TERT: variants seen among roughly 807,000 people sequenced by gnomAD.
TERT encodes the protein telomerase catalytic subunit.
In TERT, 42 loss-of-function variants were observed where a neutral mutation model predicts 104.0. The ratio of observed to expected loss-of-function variants is 0.40; its 90% confidence interval spans 0.32 to 0.52. The LOEUF is 0.52. TERT is among the 20% of genes least tolerant of loss of function. The pLI is 0.43. For missense variants in TERT, 1,101 were observed against 1,610.3 expected, an observed-to-expected ratio of 0.68 and a Z score of 5.41; for synonymous variants, 781 against 725.6, an observed-to-expected ratio of 1.08 and a Z score of -1.23.
chr5:1,276,687 T>A (rs112588394), intron 6 of TERT, among the ~76,000 whole-genome samples: 2 of 46,172 alleles, frequency 4.3e-5, no homozygotes, highest in Non-Finnish European at 9.2e-5. Context: ...ACCCCACACA[T>A]GAAAACCAAT....
rs565761454 is a variant in TERT, at chr5:1,288,444, C to T, written c.1573+4869G>A. On this transcript the variant is annotated intron_variant, in intron 2 of 15. Coordinates refer to ENST00000310581, the MANE Select transcript of TERT (RefSeq NM_198253.3). The surrounding 1 kb of genome is among the most constrained non-coding windows in gnomAD (Gnocchi z 5.3). ...GTCTGACGAAGGCTGGCGGAGACAC[C>T]GGCCCTCCACGTGGGTCTCAGAGCA... 1.1e-4 allele frequency among the ~76,000 whole-genome samples: 17 copies of T among 152,272 alleles called. No individual in the cohort carries two copies. Among genetic ancestry groups the T allele is most frequent in the African/African-American group, 3.9e-4 (16 of 41,550 alleles).
At chr5:1,277,607 G>GA (rs900678595) in intron 6 of TERT, among the ~76,000 whole-genome samples, 21 of 66,436 alleles carry the variant, frequency 3.2e-4, no homozygotes, top group Non-Finnish European at 5.2e-4. Flanking sequence ...CGGGGATGTG[G>GA]GGGGGGGTCT....
Position 1,253,789 on chromosome 5 carries a change from G to A in TERT, c.3338C>T (p.Thr1113Ile), listed in dbSNP as rs1404530857. The change falls in exon 16 of 16, where the codon ACT becomes ATT. Residue 1113 changes from threonine (T) to isoleucine (I), a missense_variant. Around this residue, in one of 5 missense-constraint regions of TERT, gnomAD observed 463 missense variants for 797.5 expected, o/e 0.58. Coordinates refer to ENST00000310581, the MANE Select transcript of TERT (RefSeq NM_198253.3). ...LSRKLPGTTL[T>I]ALEAAANPAL... ...CGGGTTGGCTGCGGCCTCCAGGGCA[G>A]TCAGCGTCGTCCCCGGGAGCTTCCG... 21 of 1,612,126 alleles carry A rather than the reference G, an allele frequency of 1.3e-5. No individual in the cohort carries two copies. Among genetic ancestry groups the A allele is most frequent in the Admixed American group, 1.7e-5 (1 of 59,956 alleles).
rs1213710731 is a variant in TERT, at chr5:1,255,216, A to G, written c.3157+71T>C. 6.3e-7 allele frequency: 1 copy of G among 1,586,802 alleles called. No individual in the cohort carries two copies. Among genetic ancestry groups the G allele is most frequent in the East Asian group, 2.3e-5 (1 of 43,928 alleles). The stretch of plus-strand genomic sequence containing the variant: ...GTAAGAACTTCCTAAGCCCAGATTC[A>G]CTCAGTCTCCTGACACACTAACACC... On this transcript the variant is annotated intron_variant, in intron 14 of 15. Coordinates refer to ENST00000310581, the MANE Select transcript of TERT (RefSeq NM_198253.3). This position sits in a 1 kb window ranked among gnomAD's most constrained non-coding sequence, Gnocchi z 6.9.
chr5:1,278,649 T>G lies in TERT; in HGVS notation c.2278A>C (p.Lys760Gln). The change falls in exon 6 of 16, where the codon AAG becomes CAG. Residue 760 changes from lysine to glutamine, a missense_variant. Transcript: ENST00000310581. ...AAHGHVRKAF[K>Q]SHVSTLTDLQ... Reference sequence around the variant, plus strand: ...TCACACGTGAACCTTACGTGGCTCTTGAAGGCCTTGCGGACGTGCCCATGG... The same window carrying G: ...TCACACGTGAACCTTACGTGGCTCTGGAAGGCCTTGCGGACGTGCCCATGG... The G allele has an allele frequency of 1.2e-6, 2 of 1,614,148 alleles. No individual in the cohort carries two copies. Among genetic ancestry groups the G allele is most frequent in the Non-Finnish European group, 1.7e-6 (2 of 1,180,042 alleles).
At chr5:1,289,372 G>A (rs1291990354) in intron 2 of TERT, among the ~76,000 whole-genome samples, 15 of 139,868 alleles carry the variant, frequency 1.1e-4, no homozygotes, top group Admixed American at 2.8e-4. Flanking sequence ...AGGGACACCC[G>A]GGGACGGGGC....
intron 3 of TERT, among the ~76,000 whole-genome samples, chr5:1,282,094 GA>G (rs112248967): frequency 4.8e-5 from 7 of 146,050 alleles, no homozygotes; most frequent in Non-Finnish European, 7.6e-5. Context: ...TCTCAAAAAA[GA>G]AAAAAAAAAG....
chr5:1,254,439 T>C lies in TERT; in HGVS notation c.3224A>G (p.His1075Arg), dbSNP rs780154973. The change falls in exon 15 of 16, where the codon CAC becomes CGC. Residue 1075 changes from histidine (H) to arginine (R), a missense_variant. This residue lies in a region of TERT where 463 missense variants were observed against 797.5 expected (regional missense o/e 0.58). Coordinates refer to ENST00000310581, the MANE Select transcript of TERT (RefSeq NM_198253.3). ...AGTCAGCTTGAGCAGGAATGCTTGG[T>C]GGCACAGCCACTGCACGGCCTCGGA... Reference protein sequence around the residue: ...LPSEAVQWLCHQAFLLKLTRH... With the variant: ...LPSEAVQWLCRQAFLLKLTRH... 6.2e-7 allele frequency: 1 copy of C among 1,613,056 alleles called. No homozygotes were observed. Among genetic ancestry groups the C allele is most frequent in the South Asian group, 1.1e-5 (1 of 91,082 alleles).
At position 1,263,890 on chromosome 5, in the gene TERT, C is replaced by T. The variant is rs1243371974; in HGVS notation, c.2843+514G>A. 1.3e-5 allele frequency among the ~76,000 whole-genome samples: 2 copies of T among 152,216 alleles called. No homozygotes were observed. Among genetic ancestry groups the T allele is most frequent in the Non-Finnish European group, 2.9e-5 (2 of 68,040 alleles). ...TGGCCCTGTCCCCTGATGGGTCACACGTGATCATGAACTCATGGCATCCTG... is the reference window on the plus strand; with the variant it reads ...TGGCCCTGTCCCCTGATGGGTCACATGTGATCATGAACTCATGGCATCCTG... On this transcript the variant is annotated intron_variant, in intron 11 of 15. Coordinates refer to ENST00000310581, the MANE Select transcript of TERT (RefSeq NM_198253.3). This position sits in a 1 kb window ranked among gnomAD's most constrained non-coding sequence, Gnocchi z 5.3.
rs35706685 is a variant in TERT, at chr5:1,267,632, C to G, written c.2582+888G>C. On this transcript the variant is annotated intron_variant, in intron 9 of 15. Transcript: ENST00000310581. ...GGATTAAGAAAATGTGGCACATATA[C>G]ACCACGGAATACTATGCAGTCATAA... 5.4e-3 allele frequency among the ~76,000 whole-genome samples: 817 copies of G among 152,344 alleles called. 7 individuals are homozygous for G. Among genetic ancestry groups the G allele is most frequent in the Admixed American group, 0.01 (159 of 15,304 alleles).
intron 9 of TERT, among the ~76,000 whole-genome samples, chr5:1,267,907 A>G (rs1748730616): frequency 1.3e-5 from 2 of 152,140 alleles, no homozygotes; most frequent in African/African-American, 4.8e-5. Flanking sequence ...TGGGTGCAGC[A>G]CACCAACATG....
intron 2 of TERT, among the ~76,000 whole-genome samples, chr5:1,290,994 C>T (rs201385723): frequency 9.7e-5 from 12 of 124,336 alleles, no homozygotes; most frequent in African/African-American, 2.3e-4. Context: ...TCACCCTGCA[C>T]GGGACAGGGA....
chr5:1,267,528 T>C (rs944535388), intron 9 of TERT, among the ~76,000 whole-genome samples: 2 of 152,252 alleles, frequency 1.3e-5, no homozygotes, highest in Admixed American at 1.3e-4. Flanking sequence ...TAAAGACACA[T>C]GCACACGTAT....
intron 3 of TERT, 76 bp from the exon 4 acceptor site, chr5:1,280,414 C>A: frequency 6.6e-7 from 1 of 1,507,942 alleles, no homozygotes; most frequent in South Asian, 1.2e-5. Context: ...AAGCCACAAG[C>A]CCCCACCGAC....
intron 6 of TERT, among the ~76,000 whole-genome samples, chr5:1,278,232 A>G (rs1749748302): frequency 6.6e-6 from 1 of 152,208 alleles, no homozygotes; most frequent in Non-Finnish European, 1.5e-5. Flanking sequence ...CGTGAGGACA[A>G]TGGTGCGGAC....
At chr5:1,272,052 T>C (rs1749076364) in intron 7 of TERT, 133 bp downstream of exon 7, 1 of 807,606 alleles carries the variant, frequency 1.2e-6, no homozygotes, top group Admixed American at 2.0e-5. Context: ...CAGCTCATCA[T>C]GCCCCCATCA....
intron 11 of TERT, 64 bp from the exon 12 acceptor site, chr5:1,260,664 G>T: frequency 6.2e-7 from 1 of 1,605,480 alleles, no homozygotes. Context: ...CTCCTGCAAA[G>T]CTTGCTCCAA....
In TERT at chr5:1,263,397, T is replaced by G. The variant is rs1042982557; in HGVS notation, c.2843+1007A>C. On this transcript the variant is annotated intron_variant, in intron 11 of 15. Transcript: ENST00000310581. This position sits in a 1 kb window ranked among gnomAD's most constrained non-coding sequence, Gnocchi z 5.3. ...ACACCTGTCCACTATGGTTTTGGAA[T>G]GCTGATACTTTTTTTTTTTTTTTTA... Among the ~76,000 whole-genome samples the G allele has an allele frequency of 6.6e-6, 1 of 151,922 alleles. No homozygotes were observed. Among genetic ancestry groups the G allele is most frequent in the Non-Finnish European group, 1.5e-5 (1 of 67,978 alleles).
chr5:1,268,390 G>C lies in TERT; in HGVS notation c.2582+130C>G. The stretch of plus-strand genomic sequence containing the variant: ...CCCGTGCGGCTTCATACCAAGAAGG[G>C]GCTGCAACCTTGTCTGGTTCCTCAA... On this transcript the variant is annotated intron_variant, in intron 9 of 15. Transcript: ENST00000310581. This position sits in a 1 kb window ranked among gnomAD's most constrained non-coding sequence, Gnocchi z 5.5. 2.7e-6 allele frequency: 2 copies of C among 740,726 alleles called. No homozygotes were observed. Among genetic ancestry groups the C allele is most frequent in the Non-Finnish European group, 2.3e-6 (1 of 430,176 alleles). The allele number at this position is 740,726 out of a possible 1,614,324, so 45.9% of individuals were successfully genotyped here.
Sources: allele counts gnomAD v4.1 joint callset (sites outside exome capture counted in the v4.1 genomes callset), GRCh38; gene constraint gnomAD v4.1.1; regional missense constraint gnomAD v4.1.1; non-coding constraint Gnocchi (gnomAD v3.1); transcripts MANE v1.5; gene names NCBI Gene and HGNC (gene_info 2026-07-23, HGNC 2026-07-21).